Variants in SLC12A2 observed in about 807,000 individuals in gnomAD.
SLC12A2 encodes solute carrier family 12 member 2, also known as Na-K-2Cl cotransporter 1.
SLC12A2 carries 67 observed loss-of-function variants against 136.3 expected under a neutral mutation model. That is an observed-to-expected ratio of 0.49 (90% CI 0.40 to 0.60). The LOEUF (loss-of-function observed/expected upper bound fraction) is 0.60, where lower values mean the gene tolerates loss of function less well. SLC12A2 is among the 20% of genes least tolerant of loss of function. The pLI is 0.00. For missense variants in SLC12A2, 1,322 were observed against 1,534.7 expected (o/e 0.86, Z 2.32); for synonymous variants, 619 against 562.9 (o/e 1.10, Z -1.41).
intron 13 of SLC12A2, among the ~76,000 whole-genome samples, chr5:128,150,695 A>G (rs903694099): frequency 1.3e-5 from 2 of 151,870 alleles, no homozygotes; most frequent in Admixed American, 6.6e-5. Context: ...CATGGTCTTC[A>G]ACATTTTTTA....
intron 18 of SLC12A2, chr5:128,168,113 T>C: frequency 3.7e-6 from 1 of 271,370 alleles, no homozygotes; most frequent in African/African-American, 2.2e-5. Context: ...TATATGTATG[T>C]ATATGTATAT....
At chr5:128,162,855 A>T (rs1200969422) in intron 17 of SLC12A2, among the ~76,000 whole-genome samples, 1 of 152,244 alleles carries the variant, frequency 6.6e-6, no homozygotes, top group Admixed American at 6.5e-5. Context: ...AGCTGGTCCA[A>T]CCCGTGGACT....
At chr5:128,144,944 C>T (rs1404291823) in intron 10 of SLC12A2, among the ~76,000 whole-genome samples, 1 of 152,006 alleles carries the variant, frequency 6.6e-6, no homozygotes, top group Non-Finnish European at 1.5e-5. Context: ...AGAGACAAGA[C>T]AGTCTTTTTT....
chr5:128,147,647 C>A lies in SLC12A2; in HGVS notation c.1799C>A (p.Thr600Lys). ...FQVMSMVSGF[T>K]PLISAGIFSA... ...GTAATGAGTATGGTGTCAGGATTTA[C>A]ACCACTAATTTCTGCAGGTATATTT... Residue 600 changes from threonine to lysine, a missense_variant, in exon 11 of 27, where the codon ACA becomes AAA. Physicochemically the swap from Thr to Lys is moderately conservative, Grantham distance 78. This residue lies in a region of SLC12A2 where 294 missense variants were observed against 436.6 expected (regional missense o/e 0.67). Coordinates refer to ENST00000262461, the MANE Select transcript of SLC12A2 (RefSeq NM_001046.3). 6.2e-7 allele frequency: 1 copy of A among 1,609,086 alleles called. No individual in the cohort carries two copies. The highest frequency in any genetic ancestry group is 8.5e-7 in the Non-Finnish European group (1 of 1,176,330).
chr5:128,104,461 T>C (rs1156935667), intron 1 of SLC12A2, among the ~76,000 whole-genome samples: 1 of 151,804 alleles, frequency 6.6e-6, no homozygotes, highest in African/African-American at 2.4e-5. Flanking sequence ...TGGTGAAACC[T>C]GTCTGTACTA....
At chr5:128,127,672 T>G (rs1761866706) in intron 4 of SLC12A2, among the ~76,000 whole-genome samples, 1 of 152,106 alleles carries the variant, frequency 6.6e-6, no homozygotes, top group Non-Finnish European at 1.5e-5. Context: ...CATTTTGTTT[T>G]TCAAGGAATT....
At chr5:128,178,753 T>C in intron 22 of SLC12A2, 64 bp downstream of exon 22, 1 of 1,276,674 alleles carries the variant, frequency 7.8e-7, no homozygotes, top group Non-Finnish European at 1.1e-6. Context: ...TAGTAAGAAA[T>C]GACATGCACT....
At chr5:128,126,966 A>ATATATTTT in intron 4 of SLC12A2, among the ~76,000 whole-genome samples, 10 of 21,160 alleles carry the variant, frequency 4.7e-4, no homozygotes, top group Admixed American at 8.7e-4. Flanking sequence ...ATATATATAT[A>ATATATTTT]TTTTTTTTTT....
chr5:128,140,885 A>G (rs1762343828), intron 9 of SLC12A2, among the ~76,000 whole-genome samples: 1 of 152,042 alleles, frequency 6.6e-6, no homozygotes, highest in South Asian at 2.1e-4. Flanking sequence ...AAATTGAAAA[A>G]CAAAGAACTG....
intron 1 of SLC12A2, chr5:128,110,635 G>T: frequency 1.8e-6 from 2 of 1,098,824 alleles, no homozygotes; most frequent in Non-Finnish European, 2.8e-6. Flanking sequence ...ACTAGTTAGT[G>T]ACAGTGTTGT....
Position 128,084,191 on chromosome 5 carries a change from C to T in SLC12A2, c.237C>T (p.Ser79=). The part of the protein sequence containing the change: ...GRPLGPTPSQ[S]RFQVDLVSEN... ...CCTTGGGGCCCACCCCGAGCCAGAGCCGTTTCCAGGTGGACCTGGTTTCCG... is the reference window on the plus strand; with the variant it reads ...CCTTGGGGCCCACCCCGAGCCAGAGTCGTTTCCAGGTGGACCTGGTTTCCG... Residue 79 remains serine, a synonymous_variant, in exon 1 of 27, where the codon AGC becomes AGT. Coordinates refer to ENST00000262461, the MANE Select transcript of SLC12A2 (RefSeq NM_001046.3). The surrounding 1 kb of genome is among the most constrained non-coding windows in gnomAD (Gnocchi z 5.6). The T allele has an allele frequency of 1.5e-6, 2 of 1,292,644 alleles. No individual in the cohort carries two copies. The highest frequency in any genetic ancestry group is 1.9e-6 in the Non-Finnish European group (2 of 1,028,956). 80.1% of individuals were successfully genotyped at this position (1,292,644 alleles called of 1,614,324 possible). A position where few individuals can be genotyped will look rare whatever the true frequency, so the allele number is the denominator to read the frequency against.
intron 21 of SLC12A2, among the ~76,000 whole-genome samples, chr5:128,178,135 A>G (rs1295308031): frequency 6.6e-6 from 1 of 152,210 alleles, no homozygotes; most frequent in African/African-American, 2.4e-5. Context: ...TTTGTCTTTT[A>G]AAAAGTTTTG....
At chr5:128,130,035 G>GTT (rs59807299) in intron 4 of SLC12A2, among the ~76,000 whole-genome samples, 33 of 142,014 alleles carry the variant, frequency 2.3e-4, no homozygotes, top group African/African-American at 7.7e-4. Context: ...GTGAGACTTT[G>GTT]TTTTTTTTTT....
At chr5:128,158,612 A>G (rs1338443298) in intron 16 of SLC12A2, among the ~76,000 whole-genome samples, 1 of 152,170 alleles carries the variant, frequency 6.6e-6, no homozygotes, top group Non-Finnish European at 1.5e-5. Context: ...ATTGATGGGC[A>G]TTTAGGTTGA....
chr5:128,171,536 A>G, intron 18 of SLC12A2, 131 bp from the exon 19 acceptor site: 1 of 644,778 alleles, frequency 1.6e-6, no homozygotes, highest in South Asian at 1.9e-5. Context: ...TTTTCAAAGC[A>G]TGTTTTAAAA....
chr5:128,122,191 CAT>C (rs1465324723), intron 4 of SLC12A2, among the ~76,000 whole-genome samples: 1 of 152,192 alleles, frequency 6.6e-6, no homozygotes, highest in Non-Finnish European at 1.5e-5. Flanking sequence ...GCCTTGGTTA[CAT>C]AAAACTTCAG....
At chr5:128,178,118 T>C (rs915121356) in intron 21 of SLC12A2, among the ~76,000 whole-genome samples, 19 of 152,338 alleles carry the variant, frequency 1.2e-4, no homozygotes, top group Middle Eastern at 3.4e-3. Flanking sequence ...ATATTGCAGA[T>C]AACAACTTTG....
At chr5:128,131,392 G>A (rs753989329) in intron 5 of SLC12A2, among the ~76,000 whole-genome samples, 186 bp downstream of exon 5, 13 of 152,142 alleles carry the variant, frequency 8.5e-5, no homozygotes, top group Admixed American at 3.3e-4. Flanking sequence ...GGCCGGGCGC[G>A]GTGGCTCGCG....
chr5:128,109,576 C>G lies in SLC12A2; in HGVS notation c.757-3238C>G, dbSNP rs753415415. 87 of 715,342 alleles carry G rather than the reference C, an allele frequency of 1.2e-4. No individual in the cohort carries two copies. The Middle Eastern group carries it at 1.5e-3, about 12-fold the overall frequency. The allele number at this position is 715,342 out of a possible 1,614,324, so 44.3% of individuals were successfully genotyped here. A position where few individuals can be genotyped will look rare whatever the true frequency, so the allele number is the denominator to read the frequency against. ...AAAGGCAGCTGAGTCCGGAGAAGAG[C>G]AAAATATGGGGACCCAGGTTAAAAG... On this transcript the variant is annotated intron_variant, in intron 1 of 26. Transcript: ENST00000262461.
Sources: allele counts gnomAD v4.1 joint callset (sites outside exome capture counted in the v4.1 genomes callset), GRCh38; gene constraint gnomAD v4.1.1; regional missense constraint gnomAD v4.1.1; non-coding constraint Gnocchi (gnomAD v3.1); transcripts MANE v1.5; gene names NCBI Gene and HGNC (gene_info 2026-07-23, HGNC 2026-07-21).